The following ABHD17B variants were observed in gnomAD, a reference collection of about 807,000 sequenced individuals.
ABHD17B encodes alpha/beta hydrolase domain-containing protein 17B.
A neutral mutation model predicts 26.2 loss-of-function variants in ABHD17B; 9 were observed. That is an observed-to-expected ratio of 0.34 (90% CI 0.21 to 0.60). ABHD17B has a LOEUF of 0.60. Among genes scored for constraint, ABHD17B ranks in the 20% least tolerant of loss-of-function variants. The pLI is 0.80. For missense variants in ABHD17B, 224 were observed against 352.1 expected, an observed-to-expected ratio of 0.64 and a Z score of 2.91; for synonymous variants, 127 against 122.3, an observed-to-expected ratio of 1.04 and a Z score of -0.25.
intron 1 of ABHD17B, among the ~76,000 whole-genome samples, chr9:71,904,436 C>A (rs1827226092): frequency 6.6e-6 from 1 of 152,048 alleles, no homozygotes; most frequent in Non-Finnish European, 1.5e-5. Flanking sequence ...GACCCTATAG[C>A]TGAGAAAAAT....
chr9:71,881,423 G>A (rs1373634490), intron 1 of ABHD17B, among the ~76,000 whole-genome samples: 1 of 152,022 alleles, frequency 6.6e-6, no homozygotes, highest in African/African-American at 2.4e-5. Context: ...GTGACCTTGG[G>A]TTATAAAATG....
intron 1 of ABHD17B, among the ~76,000 whole-genome samples, chr9:71,899,613 G>A (rs982420090): frequency 6.6e-6 from 1 of 152,112 alleles, no homozygotes; most frequent in Non-Finnish European, 1.5e-5. Flanking sequence ...ATTGTGGAAG[G>A]AGCACTAGCC....
At chr9:71,898,447 C>G (rs904120833) in intron 1 of ABHD17B, among the ~76,000 whole-genome samples, 1 of 142,804 alleles carries the variant, frequency 7.0e-6, no homozygotes, top group African/African-American at 2.6e-5. Context: ...GCCTGACCAA[C>G]ATGGCGAAAC....
At chr9:71,890,390 A>T (rs772980993) in intron 1 of ABHD17B, among the ~76,000 whole-genome samples, 3 of 152,164 alleles carry the variant, frequency 2.0e-5, no homozygotes, top group Non-Finnish European at 4.4e-5. Context: ...ATAACTTTAG[A>T]TATTATAGCT....
intron 3 of ABHD17B, among the ~76,000 whole-genome samples, chr9:71,869,526 T>G (rs547306911): frequency 2.0e-5 from 3 of 152,338 alleles, no homozygotes; most frequent in South Asian, 4.1e-4. Flanking sequence ...CTACTTTCCT[T>G]TCAAATACAT....
Position 71,867,533 on chromosome 9 carries a change from A to G in ABHD17B, c.648-527T>C, listed in dbSNP as rs537706688. On this transcript the variant is annotated intron_variant, in intron 3 of 3. Transcript: ENST00000333421. ...ATTAATGTGTGAAACAATTTATTAA[A>G]AGAAGAAAACACAATTTTAGGCAGA... Among the ~76,000 whole-genome samples, 119 of 152,344 alleles carry G rather than the reference A, an allele frequency of 7.8e-4. 1 individual carries two copies. Among genetic ancestry groups the G allele is most frequent in the Non-Finnish European group, 1.3e-3 (89 of 68,034 alleles).
At chr9:71,863,090 G>A (rs1825869528), downstream of ABHD17B, among the ~76,000 whole-genome samples, 1 of 151,960 alleles carries the variant, frequency 6.6e-6, no homozygotes, top group Non-Finnish European at 1.5e-5. Context: ...GTATGAAGAT[G>A]ACAAACTAGT....
At chr9:71,864,562 T>C (rs1335081161), downstream of ABHD17B, among the ~76,000 whole-genome samples, 2 of 152,002 alleles carry the variant, frequency 1.3e-5, no homozygotes, top group East Asian at 3.9e-4. Flanking sequence ...TAGGCTTCCA[T>C]ATATTATTCA....
chr9:71,905,693 A>G (rs1428561274), intron 1 of ABHD17B, among the ~76,000 whole-genome samples: 1 of 152,226 alleles, frequency 6.6e-6, no homozygotes, highest in Non-Finnish European at 1.5e-5. Flanking sequence ...ACTACTAAAT[A>G]GAGGCCAGGA....
intron 1 of ABHD17B, among the ~76,000 whole-genome samples, chr9:71,883,261 C>T (rs553526562): frequency 1.2e-4 from 18 of 152,244 alleles, no homozygotes; most frequent in Non-Finnish European, 2.2e-4. Context: ...AAGGTATATA[C>T]ATGTATTTGT....
intron 1 of ABHD17B, among the ~76,000 whole-genome samples, chr9:71,886,693 G>A (rs1013678889): frequency 3.3e-5 from 5 of 151,732 alleles, no homozygotes; most frequent in Admixed American, 2.0e-4. Context: ...CTAATTATTC[G>A]TACTTTTTGT....
At chr9:71,884,234 T>G (rs564088170) in intron 1 of ABHD17B, among the ~76,000 whole-genome samples, 2 of 152,216 alleles carry the variant, frequency 1.3e-5, no homozygotes, top group African/African-American at 2.4e-5. Context: ...TGGAAATCTT[T>G]GTAAACTGCT....
intron 1 of ABHD17B, among the ~76,000 whole-genome samples, chr9:71,909,236 G>A (rs1296009008): frequency 1.3e-5 from 2 of 152,174 alleles, no homozygotes; most frequent in Non-Finnish European, 2.9e-5. Context: ...TAGAGTAGGA[G>A]AAAAGAGAGG....
intron 1 of ABHD17B, among the ~76,000 whole-genome samples, chr9:71,882,434 G>A (rs1826471868): frequency 6.6e-6 from 1 of 152,112 alleles, no homozygotes; most frequent in Non-Finnish European, 1.5e-5. Flanking sequence ...CAAGGCGGGA[G>A]AATCCCCTGA....
intron 1 of ABHD17B, among the ~76,000 whole-genome samples, chr9:71,893,811 C>T (rs116249315): frequency 3.5e-4 from 54 of 152,254 alleles, no homozygotes; most frequent in African/African-American, 1.3e-3. Context: ...CTTCACTGGC[C>T]GGGCGCGGTG....
intron 1 of ABHD17B, among the ~76,000 whole-genome samples, chr9:71,888,335 C>G (rs538548590): frequency 2.0e-5 from 3 of 152,212 alleles, no homozygotes; most frequent in African/African-American, 7.2e-5. Context: ...CCCTAATCAT[C>G]AGCTTTTGGC....
intron 3 of ABHD17B, among the ~76,000 whole-genome samples, chr9:71,868,737 G>A (rs1826028153): frequency 6.6e-6 from 1 of 152,152 alleles, no homozygotes; most frequent in Admixed American, 6.5e-5. Flanking sequence ...CGCCCAGGCT[G>A]GAGTGCAGTG....
At chr9:71,871,428 C>T (rs1315929885) in intron 2 of ABHD17B, among the ~76,000 whole-genome samples, 1 of 152,174 alleles carries the variant, frequency 6.6e-6, no homozygotes, top group African/African-American at 2.4e-5. Flanking sequence ...TTAGCAAACT[C>T]AGAAAAGCTT....
In ABHD17B at chr9:71,893,907, G is replaced by A. The variant is rs138840239; in HGVS notation, c.-4+16727C>T. Among the ~76,000 whole-genome samples the A allele has an allele frequency of 6.5e-3, 996 of 152,092 alleles. 5 individuals are homozygous for A. Among genetic ancestry groups the A allele is most frequent in the Middle Eastern group, 0.017 (5 of 294 alleles). The stretch of plus-strand genomic sequence containing the variant: ...GATGGAGATCATCCTGGCTAACATG[G>A]TGAAACCCTGTCTCTAATAAAAATA... On this transcript the variant is annotated intron_variant, in intron 1 of 3. Transcript: ENST00000333421.
Sources: allele counts gnomAD v4.1 joint callset (sites outside exome capture counted in the v4.1 genomes callset), GRCh38; gene constraint gnomAD v4.1.1; transcripts MANE v1.5; gene names NCBI Gene and HGNC (gene_info 2026-07-23, HGNC 2026-07-21).